RGS9: variants seen among roughly 807,000 people sequenced by gnomAD.
RGS9 encodes the protein regulator of G-protein signalling 9.
In RGS9, 78 loss-of-function variants were observed where a neutral mutation model predicts 102.0. The ratio of observed to expected loss-of-function variants is 0.76; its 90% CI spans 0.64 to 0.92. The LOEUF is 0.92. RGS9 is among the 40% of genes least tolerant of loss of function. The pLI is 0.00. For synonymous variants in RGS9, 353 were observed against 318.6 expected, an observed-to-expected ratio of 1.11 and a Z score of -1.15; for missense variants, 833 against 866.1, an observed-to-expected ratio of 0.96 and a Z score of 0.48.
chr17:65,139,217 AACTT>A (rs1910056040), intron 1 of RGS9, among the ~76,000 whole-genome samples: 1 of 109,010 alleles, frequency 9.2e-6, no homozygotes, highest in Admixed American at 1.0e-4. Flanking sequence ...CCTCCATCCT[AACTT>A]ACCTCTCCTC....
chr17:65,151,214 A>T (rs911969929), intron 1 of RGS9, among the ~76,000 whole-genome samples: 2 of 152,032 alleles, frequency 1.3e-5, no homozygotes, highest in Admixed American at 6.6e-5. Context: ...GCATGGTGTC[A>T]TGTGTCTGTA....
At chr17:65,190,723 C>T (rs1011156628) in intron 11 of RGS9, among the ~76,000 whole-genome samples, 3 of 152,184 alleles carry the variant, frequency 2.0e-5, no homozygotes, top group African/African-American at 7.2e-5. Context: ...GCTACCTTGA[C>T]CCAGCCCCCC....
chr17:65,211,960 T>A (rs61424330), intron 17 of RGS9, among the ~76,000 whole-genome samples: 7,630 of 152,312 alleles, frequency 0.05, 337 homozygotes, highest in African/African-American at 0.11. Context: ...TCTGTGGATC[T>A]TGGCTGGGTC....
chr17:65,166,904 C>A (rs932731236), intron 7 of RGS9, among the ~76,000 whole-genome samples: 1 of 152,240 alleles, frequency 6.6e-6, no homozygotes, highest in Non-Finnish European at 1.5e-5. Context: ...TGGAATGGCG[C>A]TGTTCACCCA....
rs1598009615 is a variant in RGS9 at position 65,218,066 on chromosome 17, A to G, written c.1408-6936A>G. On this transcript the variant is annotated intron_variant, in intron 17 of 18. Coordinates refer to ENST00000262406, the MANE Select transcript of RGS9 (RefSeq NM_003835.4). Reference sequence around the variant, plus strand: ...GGCAGTGATGATGGATGCTGAACCAAACAGTTGAGTAGAAGGTTGTCAAGC... The same window carrying G: ...GGCAGTGATGATGGATGCTGAACCAGACAGTTGAGTAGAAGGTTGTCAAGC... 2.0e-5 allele frequency among the ~76,000 whole-genome samples: 3 copies of G among 152,206 alleles called. No homozygotes were observed. The East Asian group carries it at 5.8e-4, about 29-fold the overall frequency.
At chr17:65,200,177 G>T (rs970854868) in intron 13 of RGS9, among the ~76,000 whole-genome samples, 3 of 151,954 alleles carry the variant, frequency 2.0e-5, no homozygotes, top group Non-Finnish European at 4.4e-5. Context: ...GATTAGAGGC[G>T]CCCGCCACCA....
intron 5 of RGS9, 100 bp downstream of exon 5, chr17:65,160,687 T>C (rs1445610692): frequency 1.4e-6 from 2 of 1,449,534 alleles, no homozygotes; most frequent in Admixed American, 3.6e-5. Context: ...CATCATGACC[T>C]TTCTGTCAGT....
At chr17:65,174,299 C>G (rs1256470833) in intron 8 of RGS9, among the ~76,000 whole-genome samples, 1 of 152,314 alleles carries the variant, frequency 6.6e-6, no homozygotes, top group East Asian at 1.9e-4. Flanking sequence ...GTCACCGAGG[C>G]AGTGAGCGCC....
chr17:65,216,055 C>T (rs1913513648), intron 17 of RGS9, among the ~76,000 whole-genome samples: 1 of 152,142 alleles, frequency 6.6e-6, no homozygotes, highest in African/African-American at 2.4e-5. Flanking sequence ...GAAACTGGAC[C>T]TCAAAGATTG....
intron 9 of RGS9, chr17:65,188,756 G>T (rs11658655): frequency 0.22 from 38,951 of 173,342 alleles, 6,594 homozygotes; most frequent in African/African-American, 0.5. Context: ...GGGACTACAG[G>T]TGCACGCTAC....
chr17:65,174,637 G>A lies in RGS9; in HGVS notation c.583-3095G>A, dbSNP rs59338266. Among the ~76,000 whole-genome samples the A allele has an allele frequency of 5.9e-3, 897 of 152,142 alleles. 8 individuals carry two copies. Among genetic ancestry groups the A allele is most frequent in the African/African-American group, 0.015 (632 of 41,470 alleles). ...CATGCATGTAAACATATATGTGTCA[G>A]TATGCACGTGTGTGAGTGTGTGAAT... On this transcript the variant is annotated intron_variant, in intron 8 of 18. Transcript: ENST00000262406.
intron 1 of RGS9, among the ~76,000 whole-genome samples, chr17:65,152,959 C>G (rs1214450493): frequency 6.6e-6 from 1 of 152,214 alleles, no homozygotes; most frequent in Non-Finnish European, 1.5e-5. Flanking sequence ...AGAACGCTCT[C>G]TAGGAACAGT....
rs745663576 is a variant in RGS9, at chr17:65,142,574, C to CTT, written c.57+4992_57+4993dup. Reference sequence around the variant, plus strand: ...TGCCACTGTTTTTCTCCCTTCCTTTCTTTTTTTTTTTTTTTTGTTTGTTTT... The same window carrying CTT: ...TGCCACTGTTTTTCTCCCTTCCTTTCTTTTTTTTTTTTTTTTTTGTTTGTTTT... On this transcript the variant is annotated intron_variant, in intron 1 of 18. Coordinates refer to ENST00000262406, the MANE Select transcript of RGS9 (RefSeq NM_003835.4). 2.9e-4 allele frequency among the ~76,000 whole-genome samples: 40 copies of CTT among 137,786 alleles called. 1 individual carries two copies. The highest frequency in any genetic ancestry group is 8.5e-4 in the African/African-American group (32 of 37,528). The allele number at this position is 137,786 out of a possible 152,430, so 90.4% of individuals were successfully genotyped here. A position where few individuals can be genotyped will look rare whatever the true frequency, so the allele number is the denominator to read the frequency against.
chr17:65,163,922 T>C (rs934789168), intron 7 of RGS9, among the ~76,000 whole-genome samples: 5 of 152,112 alleles, frequency 3.3e-5, no homozygotes, highest in Non-Finnish European at 7.4e-5. Context: ...TAGGGAGCCA[T>C]AGAATGATGT....
At chr17:65,150,277 C>T (rs928786568) in intron 1 of RGS9, among the ~76,000 whole-genome samples, 1 of 152,112 alleles carries the variant, frequency 6.6e-6, no homozygotes, top group Non-Finnish European at 1.5e-5. Flanking sequence ...ACACCCTCAC[C>T]CATGCTCCTT....
chr17:65,207,035 C>T (rs138802277), intron 15 of RGS9, among the ~76,000 whole-genome samples: 7 of 152,254 alleles, frequency 4.6e-5, no homozygotes, highest in East Asian at 3.9e-4. Flanking sequence ...TAGAGTTTTC[C>T]GCTCGCTTAA....
chr17:65,145,706 C>A (rs1488920353), intron 1 of RGS9, among the ~76,000 whole-genome samples: 1 of 152,022 alleles, frequency 6.6e-6, no homozygotes, highest in Non-Finnish European at 1.5e-5. Flanking sequence ...CATTTCACCT[C>A]TTTAAAGACC....
At chr17:65,152,357 G>A (rs1450812264) in intron 1 of RGS9, among the ~76,000 whole-genome samples, 2 of 151,956 alleles carry the variant, frequency 1.3e-5, no homozygotes, top group Non-Finnish European at 2.9e-5. Flanking sequence ...GAGGAAGGGG[G>A]TCCCGAACAT....
chr17:65,170,167 G>C (rs1324003841), intron 8 of RGS9, among the ~76,000 whole-genome samples: 2 of 148,172 alleles, frequency 1.3e-5, no homozygotes, highest in African/African-American at 5.0e-5. Context: ...CAATTCTACT[G>C]CCTCAGCCTC....
Sources: allele counts gnomAD v4.1 joint callset (sites outside exome capture counted in the v4.1 genomes callset), GRCh38; gene constraint gnomAD v4.1.1; transcripts MANE v1.5; gene names NCBI Gene and HGNC (gene_info 2026-07-23, HGNC 2026-07-21).